SIK3: variants seen among roughly 807,000 people sequenced by gnomAD.
The protein encoded by SIK3 is serine/threonine-protein kinase SIK3.
A neutral mutation model predicts 144.2 loss-of-function variants in SIK3; 28 were observed. The observed-to-expected ratio is 0.19, with a 90% CI of 0.14 to 0.27. The LOEUF is 0.27. SIK3 is among the 10% of genes least tolerant of loss of function. The pLI, the probability that SIK3 is intolerant of heterozygous loss-of-function variation, is 1.00. For synonymous variants in SIK3, 686 were observed against 676.3 expected, an observed-to-expected ratio of 1.01 and a Z score of -0.22; for missense variants, 1,319 against 1,776.0, an observed-to-expected ratio of 0.74 and a Z score of 4.62.
Position 117,078,961 on chromosome 11 carries a change from AGGTCATGC to A in SIK3, c.273+19174_273+19181del, listed in dbSNP as rs1954669551. On this transcript the variant is annotated intron_variant, in intron 1 of 24. Coordinates refer to ENST00000445177, the MANE Select transcript of SIK3 (RefSeq NM_001366686.3). ...GAGAGTTTTTTAAAAGACACTAAAG[AGGTCATGC>A]CAGAATTAAGTATGATATCCTAAAA... 4.6e-5 allele frequency among the ~76,000 whole-genome samples: 7 copies of A among 151,192 alleles called. No individual in the cohort carries two copies. In the South Asian group the frequency reaches 1.5e-3, roughly 31 times the overall value.
At chr11:116,920,720 C>CTT (rs1292677727) in intron 4 of SIK3, among the ~76,000 whole-genome samples, 14 of 152,118 alleles carry the variant, frequency 9.2e-5, no homozygotes, top group African/African-American at 3.4e-4. Flanking sequence ...TATTTATGTC[C>CTT]TTTATCAGTA....
intron 1 of SIK3, among the ~76,000 whole-genome samples, chr11:117,012,440 G>A (rs1951302365): frequency 6.6e-6 from 1 of 152,280 alleles, no homozygotes; most frequent in East Asian, 1.9e-4. Flanking sequence ...CTTTTCCAAA[G>A]CTGTATTTGA....
chr11:116,861,691 AG>A, intron 18 of SIK3, 149 bp downstream of exon 18: 2 of 634,680 alleles, frequency 3.2e-6, no homozygotes, highest in South Asian at 4.1e-5. Context: ...GATTTCAAGA[AG>A]GCTCCTGAAA....
intron 14 of SIK3, chr11:116,869,967 C>A: frequency 1.8e-6 from 1 of 559,512 alleles, no homozygotes; most frequent in South Asian, 1.9e-5. Context: ...ACTGTCATCC[C>A]ACATCTCCAA....
chr11:116,992,503 T>C (rs1480928224), intron 1 of SIK3, among the ~76,000 whole-genome samples: 1 of 152,018 alleles, frequency 6.6e-6, no homozygotes, highest in Non-Finnish European at 1.5e-5. Context: ...TACTTCCAAA[T>C]GTAAAAATAA....
intron 7 of SIK3, 98 bp from the exon 8 acceptor site, chr11:116,876,461 T>A (rs1383378796): frequency 2.0e-6 from 2 of 1,003,366 alleles, no homozygotes; most frequent in South Asian, 1.3e-5. Context: ...GCCCTCTGGC[T>A]TGGGATATTT....
chr11:117,038,438 C>A (rs563089271), intron 1 of SIK3, among the ~76,000 whole-genome samples: 65 of 151,532 alleles, frequency 4.3e-4, no homozygotes, highest in Non-Finnish European at 9.0e-4. Context: ...CTCACCACAG[C>A]CTCTGCCTCC....
chr11:116,875,483 C>T, intron 9 of SIK3, 32 bp from the exon 10 acceptor site: 5 of 1,594,416 alleles, frequency 3.1e-6, no homozygotes, highest in Non-Finnish European at 2.6e-6. Flanking sequence ...TACACGCATA[C>T]CTTTAACACT....
intron 3 of SIK3, among the ~76,000 whole-genome samples, chr11:116,938,024 G>T (rs1948011683): frequency 6.6e-6 from 1 of 151,914 alleles, no homozygotes; most frequent in South Asian, 2.1e-4. Flanking sequence ...GGCCAACATG[G>T]TGAAACCCCG....
intron 3 of SIK3, among the ~76,000 whole-genome samples, chr11:116,947,531 A>ATATGTATGTATGTATG (rs748760831): frequency 5.8e-4 from 73 of 125,034 alleles, no homozygotes; most frequent in African/African-American, 1.6e-3. Context: ...ATATATATAT[A>ATATGTATGTATGTATG]TATGTATGTA....
At chr11:116,975,453 T>A (rs1565517524) in intron 1 of SIK3, among the ~76,000 whole-genome samples, 1 of 150,750 alleles carries the variant, frequency 6.6e-6, no homozygotes, top group African/African-American at 2.5e-5. Context: ...CTCAATGAGA[T>A]CATACAATAT....
Position 117,089,321 on chromosome 11 carries a change from G to A in SIK3, c.273+8822C>T, listed in dbSNP as rs183660856. Among the ~76,000 whole-genome samples the A allele has an allele frequency of 1.4e-4, 21 of 151,866 alleles. No individual in the cohort carries two copies. In the East Asian group the frequency reaches 3.3e-3, roughly 24 times the overall value. On this transcript the variant is annotated intron_variant, in intron 1 of 24. Transcript: ENST00000445177. Reference sequence around the variant, plus strand: ...ACTCTGGAGGCTGAGACAGGAGAACGGCGTGAACCCGAGAGGTGGAGCTTG... The same window carrying A: ...ACTCTGGAGGCTGAGACAGGAGAACAGCGTGAACCCGAGAGGTGGAGCTTG...
rs577183925 is a variant in SIK3, at chr11:117,080,589, A to C, written c.273+17554T>G. Among the ~76,000 whole-genome samples the C allele has an allele frequency of 1.4e-4, 21 of 152,276 alleles. No individual in the cohort carries two copies. In the East Asian group the frequency reaches 3.7e-3, roughly 27 times the overall value. ...GCAAATAAATGGAATAGAAAAAAAA[A>C]CCACTAGCACAAGTGTGCAAATATA... On this transcript the variant is annotated intron_variant, in intron 1 of 24. Coordinates refer to ENST00000445177, the MANE Select transcript of SIK3 (RefSeq NM_001366686.3).
At chr11:117,051,367 G>A (rs1953232392) in intron 1 of SIK3, among the ~76,000 whole-genome samples, 1 of 152,044 alleles carries the variant, frequency 6.6e-6, no homozygotes, top group African/African-American at 2.4e-5. Context: ...GCCTATCATA[G>A]GATTTCTCGG....
intron 1 of SIK3, among the ~76,000 whole-genome samples, chr11:117,044,759 C>T (rs567398774): frequency 6.6e-6 from 1 of 152,274 alleles, no homozygotes; most frequent in African/African-American, 2.4e-5. Flanking sequence ...GTGGTATACG[C>T]TTGTTGTCCC....
At chr11:117,001,463 C>T (rs2135611378) in intron 1 of SIK3, among the ~76,000 whole-genome samples, 1 of 151,960 alleles carries the variant, frequency 6.6e-6, no homozygotes, top group East Asian at 1.9e-4. Flanking sequence ...CTGAGATCGC[C>T]CCACTGCACT....
intron 3 of SIK3, among the ~76,000 whole-genome samples, chr11:116,933,806 T>C (rs1196271950): frequency 6.6e-6 from 1 of 152,184 alleles, no homozygotes; most frequent in Non-Finnish European, 1.5e-5. Context: ...GATCACATCA[T>C]TTTTTTCTGT....
chr11:116,998,895 A>T (rs1031683392), intron 1 of SIK3, among the ~76,000 whole-genome samples: 13 of 152,232 alleles, frequency 8.5e-5, no homozygotes, highest in Non-Finnish European at 1.6e-4. Context: ...TCAAAATCCC[A>T]AACTAATCCA....
rs143716766 is a variant in SIK3 at position 117,024,165 on chromosome 11, T to G, written c.274-67101A>C. Among the ~76,000 whole-genome samples the G allele has an allele frequency of 2.6e-3, 389 of 152,250 alleles. 2 individuals carry two copies. The highest frequency in any genetic ancestry group is 0.014 in the Admixed American group (217 of 15,298). On this transcript the variant is annotated intron_variant, in intron 1 of 24. Coordinates refer to ENST00000445177, the MANE Select transcript of SIK3 (RefSeq NM_001366686.3). Reference sequence around the variant, plus strand: ...GGGTACATAAGCATCTGTACCCCACTGGGTTGTGGGCAATCTCTCTGTGAT... The same window carrying G: ...GGGTACATAAGCATCTGTACCCCACGGGGTTGTGGGCAATCTCTCTGTGAT...
Sources: gnomAD v4.1 joint callset for allele counts (sites outside exome capture counted in the v4.1 genomes callset) on GRCh38, gnomAD v4.1.1 for gene constraint, MANE v1.5 for transcripts, NCBI Gene and HGNC (gene_info 2026-07-23, HGNC 2026-07-21) for gene names.